TSNARE1: variants seen among roughly 807,000 people sequenced by gnomAD.
TSNARE1 encodes t-SNARE domain containing 1.
In TSNARE1, 49 loss-of-function variants were observed where a neutral mutation model predicts 62.0. The ratio of observed to expected loss-of-function variants is 0.79; its 90% CI spans 0.63 to 1.00. The LOEUF is 1.00. Among genes scored for constraint, TSNARE1 ranks in the 50% least tolerant of loss-of-function variants. The pLI is 0.00. For synonymous variants in TSNARE1, 328 were observed against 294.4 expected (o/e 1.11, Z -1.17); for missense variants, 755 against 700.1 (o/e 1.08, Z -0.88).
intron 1 of TSNARE1, among the ~76,000 whole-genome samples, chr8:142,381,483 A>T (rs921331656): frequency 1.4e-5 from 2 of 144,998 alleles, no homozygotes; most frequent in African/African-American, 5.2e-5. Context: ...CCCCCACCCC[A>T]CCAAGCACAA....
chr8:142,372,301 C>G (rs1412508138), intron 1 of TSNARE1, among the ~76,000 whole-genome samples: 1 of 152,146 alleles, frequency 6.6e-6, no homozygotes, highest in Non-Finnish European at 1.5e-5. Context: ...CATCTGGCAG[C>G]AGAGTGGGAG....
intron 12 of TSNARE1, among the ~76,000 whole-genome samples, chr8:142,253,414 C>T (rs1687743202): frequency 1.3e-5 from 2 of 152,216 alleles, no homozygotes; most frequent in South Asian, 4.1e-4. Flanking sequence ...AGGGTGCAGT[C>T]ACCCCCGAGT....
At chr8:142,381,446 C>G (rs1445431965) in intron 1 of TSNARE1, among the ~76,000 whole-genome samples, 1 of 151,460 alleles carries the variant, frequency 6.6e-6, no homozygotes, top group Non-Finnish European at 1.5e-5. Context: ...AATGGGCTCT[C>G]CCCTTGCTAA....
intron 1 of TSNARE1, among the ~76,000 whole-genome samples, chr8:142,376,455 C>T (rs545533466): frequency 6.6e-6 from 1 of 152,290 alleles, no homozygotes; most frequent in South Asian, 2.1e-4. Flanking sequence ...GATGAGTGCC[C>T]TTGTCAAATG....
chr8:142,381,252 G>A (rs985513132), intron 1 of TSNARE1, among the ~76,000 whole-genome samples: 1 of 152,324 alleles, frequency 6.6e-6, no homozygotes, highest in Admixed American at 6.5e-5. Context: ...GTCCCTGTCG[G>A]GCCATGGGCA....
rs75360843 is a variant in TSNARE1, at chr8:142,361,074, G to A, written c.-39-6311C>T. ...GGCTTGAGAGCAGGTCGCCCACAGG[G>A]CCAGGCCCCACACAGGTCGCACCAG... is the stretch of plus-strand genomic sequence containing the variant. On this transcript the variant is annotated intron_variant, in intron 1 of 13. Transcript: ENST00000524325. 4.6e-5 allele frequency among the ~76,000 whole-genome samples: 7 copies of A among 152,296 alleles called. No homozygotes were observed. The South Asian group carries it at 8.3e-4, about 18-fold the overall frequency.
At chr8:142,286,717 ATGGCTCAGCCAGGTGGG>A (rs1284936256) in intron 10 of TSNARE1, among the ~76,000 whole-genome samples, 5 of 152,180 alleles carry the variant, frequency 3.3e-5, no homozygotes, top group Non-Finnish European at 4.4e-5. Context: ...GTCACGAAGT[ATGGCTCAGCCAGGTGGG>A]TCCCCACCTC....
intron 1 of TSNARE1, among the ~76,000 whole-genome samples, chr8:142,359,570 A>T (rs868604856): frequency 5.3e-5 from 8 of 152,262 alleles, no homozygotes; most frequent in African/African-American, 1.9e-4. Flanking sequence ...ACACAAGTCC[A>T]TGAGGAGGTT....
At chr8:142,247,346 C>A (rs936505334) in intron 12 of TSNARE1, among the ~76,000 whole-genome samples, 2 of 152,224 alleles carry the variant, frequency 1.3e-5, no homozygotes, top group Non-Finnish European at 1.5e-5. Context: ...AGAGATTATT[C>A]TCAAGGCTTC....
chr8:142,384,930 G>A (rs538886704), intron 1 of TSNARE1, among the ~76,000 whole-genome samples: 19 of 152,176 alleles, frequency 1.2e-4, no homozygotes, highest in Non-Finnish European at 1.9e-4. Flanking sequence ...TGCCAGTCAC[G>A]TGTCTCTTGA....
At chr8:142,282,612 G>A (rs1180336078) in intron 11 of TSNARE1, among the ~76,000 whole-genome samples, 8 of 130,078 alleles carry the variant, frequency 6.2e-5, no homozygotes, top group Non-Finnish European at 9.9e-5. Flanking sequence ...GCAGAGGGGA[G>A]GCCACTGTCT....
At chr8:142,313,344 G>A (rs888984584) in intron 9 of TSNARE1, among the ~76,000 whole-genome samples, 5 of 151,278 alleles carry the variant, frequency 3.3e-5, no homozygotes, top group African/African-American at 1.2e-4. Context: ...GTTTATCTGT[G>A]TGTCTCTACA....
intron 12 of TSNARE1, among the ~76,000 whole-genome samples, chr8:142,256,181 C>CTAT (rs1818526359): frequency 7.4e-6 from 1 of 134,812 alleles, no homozygotes; most frequent in Admixed American, 7.3e-5. Context: ...ATCACCATCA[C>CTAT]CACCACCATC....
At chr8:142,244,744 C>T (rs574962565) in intron 12 of TSNARE1, among the ~76,000 whole-genome samples, 2 of 152,324 alleles carry the variant, frequency 1.3e-5, no homozygotes, top group South Asian at 4.1e-4. Flanking sequence ...AGACAGTGAG[C>T]GGGGACGCAG....
At chr8:142,361,584 C>T (rs1835167402) in intron 1 of TSNARE1, among the ~76,000 whole-genome samples, 2 of 152,216 alleles carry the variant, frequency 1.3e-5, no homozygotes, top group Admixed American at 1.3e-4. Context: ...TGTGGCTGAG[C>T]TCACGCATGG....
rs1159886168 is a variant in TSNARE1 at position 142,222,250 on chromosome 8, TCATC to T, written c.*11+7219_*11+7222del. Among the ~76,000 whole-genome samples, 18 of 22,000 alleles carry T rather than the reference TCATC, an allele frequency of 8.2e-4. 2 individuals carry two copies. The highest frequency in any genetic ancestry group is 2.3e-3 in the East Asian group (2 of 886). 14.4% of individuals were successfully genotyped at this position (22,000 alleles called of 152,430 possible). Reference sequence around the variant, plus strand: ...CTCATCCACTCATTCACTCACTCACTCATCCACTCATCCACTCACTCACTCATCC... The same window carrying T: ...CTCATCCACTCATTCACTCACTCACTCACTCATCCACTCACTCACTCATCC... On this transcript the variant is annotated intron_variant, in intron 13 of 13. Transcript: ENST00000524325.
rs144176567 is a variant in TSNARE1, at chr8:142,251,428, A to G, written c.1447-21849T>C. ...GCTGCAAAGCGTGGCCCTGCTGCTC[A>G]TGCCCCTCCTGCAGCATCCCGACAC... On this transcript the variant is annotated intron_variant, in intron 12 of 13. Transcript: ENST00000524325. 1.7e-3 allele frequency among the ~76,000 whole-genome samples: 258 copies of G among 151,330 alleles called. 3 individuals are homozygous for G. The highest frequency in any genetic ancestry group is 6.0e-3 in the Admixed American group (91 of 15,172).
intron 6 of TSNARE1, among the ~76,000 whole-genome samples, chr8:142,324,755 G>A (rs892310448): frequency 3.9e-5 from 6 of 152,106 alleles, no homozygotes; most frequent in Non-Finnish European, 8.8e-5. Context: ...ACCGGGTCCC[G>A]AGCTCTCCCA....
chr8:142,331,746 A>C lies in TSNARE1; in HGVS notation c.823+8T>G. The C allele has an allele frequency of 6.3e-7, 1 of 1,591,014 alleles. No individual in the cohort carries two copies. Among genetic ancestry groups the C allele is most frequent in the Non-Finnish European group, 8.6e-7 (1 of 1,168,938 alleles). On this transcript the variant is annotated splice_region_variant and intron_variant, in intron 5 of 13. Transcript: ENST00000524325. ...GGAGGGGCAGGCCCAGGCCAGACGC[A>C]CACTCACCACTGGAGTTGATTCGGA...
Sources: gnomAD v4.1 joint callset for allele counts (sites outside exome capture counted in the v4.1 genomes callset) on GRCh38, gnomAD v4.1.1 for gene constraint, MANE v1.5 for transcripts, NCBI Gene and HGNC (gene_info 2026-07-23, HGNC 2026-07-21) for gene names.